TRABD2A: variants seen among roughly 807,000 people sequenced by gnomAD.
TRABD2A encodes the protein metalloprotease TIKI1.
Under a neutral mutation model 45.6 loss-of-function variants are expected in TRABD2A, and 43 were observed. The observed-to-expected ratio is 0.94, with a 90% confidence interval of 0.74 to 1.22. The LOEUF (loss-of-function observed/expected upper bound fraction) is 1.22, where lower values mean the gene tolerates loss of function less well. Ranked by LOEUF, TRABD2A falls within the 50% of genes most tolerant of loss-of-function variation. The pLI, the probability that TRABD2A is intolerant of heterozygous loss-of-function variation, is 0.00. For synonymous variants in TRABD2A, 269 were observed against 265.0 expected (o/e 1.02, Z -0.15); for missense variants, 642 against 652.4 (o/e 0.98, Z 0.17).
intron 2 of TRABD2A, 93 bp from the exon 3 acceptor site, chr2:84,842,100 T>G: frequency 7.5e-7 from 1 of 1,333,690 alleles, no homozygotes; most frequent in Admixed American, 3.1e-5. Flanking sequence ...CCTTCACCTT[T>G]GTGCTCGTTA....
intron 5 of TRABD2A, among the ~76,000 whole-genome samples, chr2:84,827,248 C>T (rs1681176263): frequency 6.6e-6 from 1 of 152,224 alleles, no homozygotes; most frequent in Non-Finnish European, 1.5e-5. Flanking sequence ...TGCCCCCTAC[C>T]TGCATTTCAC....
intron 2 of TRABD2A, among the ~76,000 whole-genome samples, chr2:84,861,212 G>T (rs1682486706): frequency 6.6e-6 from 1 of 152,156 alleles, no homozygotes; most frequent in Non-Finnish European, 1.5e-5. Context: ...TTGGGGGAGT[G>T]TTTTGGGATG....
At chr2:84,858,263 C>G (rs189201860) in intron 2 of TRABD2A, among the ~76,000 whole-genome samples, 2 of 149,400 alleles carry the variant, frequency 1.3e-5, no homozygotes, top group Admixed American at 1.3e-4. Context: ...ACTCTAGCTC[C>G]CTCCAACATC....
chr2:84,842,023 C>T lies in TRABD2A; in HGVS notation c.670-16G>A. 1 of 1,468,306 alleles carries T rather than the reference C, an allele frequency of 6.8e-7. No homozygotes were observed. The highest frequency in any genetic ancestry group is 9.0e-7 in the Non-Finnish European group (1 of 1,107,096). The allele number at this position is 1,468,306 out of a possible 1,614,324, so 91.0% of individuals were successfully genotyped here. On this transcript the variant is annotated splice_polypyrimidine_tract_variant and intron_variant, in intron 2 of 6. Transcript: ENST00000409520. ...CAAAGATGACCTAAAAGAAAGGTCT[C>T]TTTTAAGTTCACTAACAAGGCAACT...
intron 2 of TRABD2A, among the ~76,000 whole-genome samples, chr2:84,857,664 A>G (rs1427896646): frequency 6.6e-6 from 1 of 152,176 alleles, no homozygotes; most frequent in African/African-American, 2.4e-5. Context: ...AAGTCCACAC[A>G]TGAAGCAACT....
At chr2:84,876,484 G>C (rs1353408943) in intron 1 of TRABD2A, among the ~76,000 whole-genome samples, 1 of 152,168 alleles carries the variant, frequency 6.6e-6, no homozygotes, top group Non-Finnish European at 1.5e-5. Flanking sequence ...AAATGTGGAT[G>C]GTAGGCCAAA....
rs556623595 is a variant in TRABD2A, at chr2:84,854,333, G to A, written c.670-12326C>T. On this transcript the variant is annotated intron_variant, in intron 2 of 6. Transcript: ENST00000409520. ...AGGGACAACTGTACAGGCTAGATAC[G>A]AGTAAGCCCAACCACTTACAGTGGA... 7.9e-5 allele frequency among the ~76,000 whole-genome samples: 12 copies of A among 152,226 alleles called. No homozygotes were observed. In the East Asian group the frequency reaches 1.4e-3, roughly 17 times the overall value.
chr2:84,877,087 T>A (rs1284093896), intron 1 of TRABD2A, among the ~76,000 whole-genome samples: 2 of 152,202 alleles, frequency 1.3e-5, no homozygotes, highest in Non-Finnish European at 2.9e-5. Context: ...TCCCACTGTG[T>A]GCACCAATAA....
intron 5 of TRABD2A, among the ~76,000 whole-genome samples, chr2:84,827,560 G>A (rs183104236): frequency 4.6e-5 from 7 of 152,282 alleles, no homozygotes; most frequent in African/African-American, 9.6e-5. Flanking sequence ...AGAGCACCCC[G>A]CTGTGTAACC....
rs941861103 is a variant in TRABD2A, at chr2:84,872,340, C to T, written c.109-1555G>A. ...CCTGGGCAACACAGCAAAGCCCCAT[C>T]TCTACAAAAAATACCAAAATTAGTC... On this transcript the variant is annotated intron_variant, in intron 1 of 6. Transcript: ENST00000409520. Among the ~76,000 whole-genome samples, 13 of 152,244 alleles carry T rather than the reference C, an allele frequency of 8.5e-5. No homozygotes were observed. The East Asian group carries it at 1.9e-3, about 23-fold the overall frequency.
rs1208427850 is a variant in TRABD2A at position 84,830,434 on chromosome 2, A to G, written c.1082+1621T>C. On this transcript the variant is annotated intron_variant, in intron 5 of 6. Transcript: ENST00000409520. The surrounding 1 kb of genome is among the most constrained non-coding windows in gnomAD (Gnocchi z 4.9). The stretch of plus-strand genomic sequence containing the variant: ...AGTGCCAAGACCTCCGCGTGAAGAC[A>G]ATGACCTTGAAAAAGAACAACATGA... 6.6e-6 allele frequency among the ~76,000 whole-genome samples: 1 copy of G among 151,862 alleles called. No homozygotes were observed. The highest frequency in any genetic ancestry group is 1.5e-5 in the Non-Finnish European group (1 of 67,966).
At chr2:84,823,820 G>T in intron 6 of TRABD2A, 133 bp downstream of exon 6, 3 of 1,265,790 alleles carry the variant, frequency 2.4e-6, no homozygotes, top group Non-Finnish European at 3.2e-6. Context: ...GAAAAAGGGT[G>T]CCTGGGGTCA....
chr2:84,873,768 G>A (rs967917564), intron 1 of TRABD2A, among the ~76,000 whole-genome samples: 9 of 152,166 alleles, frequency 5.9e-5, no homozygotes, highest in Admixed American at 2.0e-4. Context: ...GGCAGCCTTC[G>A]AAGAGTAATT....
intron 2 of TRABD2A, among the ~76,000 whole-genome samples, chr2:84,858,491 TTGTA>T (rs1398524078): frequency 1.2e-4 from 19 of 152,212 alleles, no homozygotes; most frequent in Non-Finnish European, 2.1e-4. Context: ...AAAATAAAGT[TTGTA>T]TACCTTTTCC....
chr2:84,869,542 G>A (rs1682799651), intron 2 of TRABD2A, among the ~76,000 whole-genome samples: 1 of 152,220 alleles, frequency 6.6e-6, no homozygotes, highest in Admixed American at 6.5e-5. Flanking sequence ...TGACCTCAAA[G>A]AGACTGCTGT....
At chr2:84,870,101 G>A (rs1431031674) in intron 2 of TRABD2A, 124 bp downstream of exon 2, 6 of 1,015,054 alleles carry the variant, frequency 5.9e-6, no homozygotes, top group South Asian at 5.1e-5. Flanking sequence ...CCCCGGAAAA[G>A]CATTTTTAAG....
intron 2 of TRABD2A, among the ~76,000 whole-genome samples, chr2:84,859,846 G>A (rs1423101350): frequency 2.6e-5 from 4 of 152,162 alleles, no homozygotes. Flanking sequence ...CACACTTTGA[G>A]AACCACTGGT....
chr2:84,847,214 ATGAC>A (rs758336843), intron 2 of TRABD2A, among the ~76,000 whole-genome samples: 1 of 152,192 alleles, frequency 6.6e-6, no homozygotes, highest in Non-Finnish European at 1.5e-5. Flanking sequence ...TCCCATTCAA[ATGAC>A]TGAGGCCCAG....
intron 2 of TRABD2A, among the ~76,000 whole-genome samples, chr2:84,856,084 G>A (rs1682293323): frequency 6.6e-6 from 1 of 152,124 alleles, no homozygotes; most frequent in Non-Finnish European, 1.5e-5. Flanking sequence ...TGGAGTTGTT[G>A]TGTCTTCTTT....
Sources: gnomAD v4.1 joint callset for allele counts (sites outside exome capture counted in the v4.1 genomes callset) on GRCh38, gnomAD v4.1.1 for gene constraint, Gnocchi (gnomAD v3.1) non-coding constraint, MANE v1.5 for transcripts, NCBI Gene and HGNC (gene_info 2026-07-23, HGNC 2026-07-21) for gene names.